PEMT: variants seen among roughly 807,000 people sequenced by gnomAD.
PEMT encodes the protein phospholipid methyltransferase.
Under a neutral mutation model 27.4 loss-of-function variants are expected in PEMT, and 23 were observed. The observed-to-expected ratio is 0.84, with a 90% CI of 0.60 to 1.19. The LOEUF (loss-of-function observed/expected upper bound fraction) is 1.19. Ranked by LOEUF, PEMT falls within the 50% of genes most tolerant of loss-of-function variation. The pLI, the probability that PEMT is intolerant of heterozygous loss-of-function variation, is 0.00. For missense variants in PEMT, 307 were observed against 310.1 expected, an observed-to-expected ratio of 0.99 and a Z score of 0.07; for synonymous variants, 137 against 139.1, an observed-to-expected ratio of 0.98 and a Z score of 0.11.
At chr17:17,565,012 G>T (rs1910734478) in intron 2 of PEMT, among the ~76,000 whole-genome samples, 1 of 152,226 alleles carries the variant, frequency 6.6e-6, no homozygotes, top group Admixed American at 6.5e-5. Flanking sequence ...CACCTGCAGA[G>T]CCCTGCGCCT....
At chr17:17,522,418 G>C in intron 2 of PEMT, 23 bp from the exon 3 acceptor site, 3 of 1,424,084 alleles carry the variant, frequency 2.1e-6, no homozygotes, top group Non-Finnish European at 3.0e-6. Flanking sequence ...CAGAGAACAA[G>C]AACGAGATAT....
intron 3 of PEMT, among the ~76,000 whole-genome samples, chr17:17,520,737 G>A (rs1907202829): frequency 6.6e-6 from 1 of 152,264 alleles, no homozygotes; most frequent in Non-Finnish European, 1.5e-5. Context: ...CCAAGACCGT[G>A]GGATAGCCAC....
intron 2 of PEMT, among the ~76,000 whole-genome samples, chr17:17,534,522 G>A (rs1200917581): frequency 6.6e-6 from 1 of 152,216 alleles, no homozygotes; most frequent in Non-Finnish European, 1.5e-5. Flanking sequence ...CCTGGCTGTA[G>A]AAACACATCA....
chr17:17,545,778 A>T (rs1253237833), intron 2 of PEMT, among the ~76,000 whole-genome samples: 1 of 152,202 alleles, frequency 6.6e-6, no homozygotes, highest in Admixed American at 6.5e-5. Context: ...GTGCAGAGGG[A>T]CAGGTCACAG....
In PEMT at chr17:17,512,671, G is replaced by T; in HGVS notation, c.321-17C>A. 1 of 1,503,686 alleles carries T rather than the reference G, an allele frequency of 6.7e-7. No individual in the cohort carries two copies. Among genetic ancestry groups the T allele is most frequent in the Non-Finnish European group, 8.9e-7 (1 of 1,118,240 alleles). The allele number at this position is 1,503,686 out of a possible 1,614,324, so 93.1% of individuals were successfully genotyped here. ...TGCGTGAAGCTGTGGGCAGGGGATG[G>T]AGAGGGAGGACGTCATGGCCAGGGA... On this transcript the variant is annotated splice_polypyrimidine_tract_variant and intron_variant, in intron 3 of 6. Transcript: ENST00000255389. The surrounding 1 kb of genome is among the most constrained non-coding windows in gnomAD (Gnocchi z 6.3).
chr17:17,589,371 C>G (rs1253074835), intron 1 of PEMT, among the ~76,000 whole-genome samples: 2 of 151,808 alleles, frequency 1.3e-5, no homozygotes, highest in East Asian at 3.9e-4. Flanking sequence ...CAGAGCAGCA[C>G]TGTTTGGTAT....
chr17:17,515,153 A>G (rs1349863156), intron 3 of PEMT, among the ~76,000 whole-genome samples: 1 of 152,080 alleles, frequency 6.6e-6, no homozygotes, highest in Non-Finnish European at 1.5e-5. Flanking sequence ...TCCTGCGGAG[A>G]CCCGAGCCAG....
chr17:17,586,258 AAG>A (rs1189111532), intron 1 of PEMT, among the ~76,000 whole-genome samples: 4 of 116,480 alleles, frequency 3.4e-5, no homozygotes, highest in Admixed American at 8.7e-5. Context: ...GAAAGAAAGA[AAG>A]AAAGAAAGAA....
chr17:17,552,656 T>G (rs961136575), intron 2 of PEMT, among the ~76,000 whole-genome samples: 1 of 152,212 alleles, frequency 6.6e-6, no homozygotes, highest in African/African-American at 2.4e-5. Context: ...GAGATGCCCC[T>G]CTCATGGAAA....
chr17:17,512,717 A>C lies in PEMT; in HGVS notation c.321-63T>G. 2 of 1,408,534 alleles carry C rather than the reference A, an allele frequency of 1.4e-6. No homozygotes were observed. The highest frequency in any genetic ancestry group is 1.9e-6 in the Non-Finnish European group (2 of 1,066,350). The allele number at this position is 1,408,534 out of a possible 1,614,324, so 87.3% of individuals were successfully genotyped here. ...AGGGAGGATGTCACAGCCCGGGAGGAGGCCGACCTCATCTTCTCGCCCTCT... is the reference window on the plus strand; with the variant it reads ...AGGGAGGATGTCACAGCCCGGGAGGCGGCCGACCTCATCTTCTCGCCCTCT... On this transcript the variant is annotated intron_variant, in intron 3 of 6. Coordinates refer to ENST00000255389, the MANE Select transcript of PEMT (RefSeq NM_148172.3). The surrounding 1 kb of genome is among the most constrained non-coding windows in gnomAD (Gnocchi z 6.3).
chr17:17,576,586 A>C (rs1324608175), intron 2 of PEMT, among the ~76,000 whole-genome samples: 1 of 152,212 alleles, frequency 6.6e-6, no homozygotes, highest in Non-Finnish European at 1.5e-5. Flanking sequence ...CACTTCATGC[A>C]TGAGAAGGCC....
chr17:17,530,160 C>A (rs910333864), intron 2 of PEMT, among the ~76,000 whole-genome samples: 44 of 152,126 alleles, frequency 2.9e-4, no homozygotes, highest in Admixed American at 1.3e-3. Flanking sequence ...TTACAAATGT[C>A]CTTTGTTGAC....
At chr17:17,562,055 C>A (rs1910518484) in intron 2 of PEMT, among the ~76,000 whole-genome samples, 1 of 152,236 alleles carries the variant, frequency 6.6e-6, no homozygotes, top group African/African-American at 2.4e-5. Flanking sequence ...GGCGTTCCGG[C>A]CCATTGGAGT....
chr17:17,552,579 G>T (rs1020609763), intron 2 of PEMT, among the ~76,000 whole-genome samples: 16 of 152,230 alleles, frequency 1.1e-4, no homozygotes, highest in Non-Finnish European at 2.2e-4. Context: ...CCCCATTCCC[G>T]GTTGGGGGGT....
rs190015006 is a variant in PEMT, at chr17:17,587,854, T to G, written c.96+3677A>C. ...TCACGCCACTGCATTCCTGAGTACA[T>G]GCCTGAGCAACAGAGCGAGACTCTG... is the stretch of plus-strand genomic sequence containing the variant. On this transcript the variant is annotated intron_variant, in intron 1 of 6. Coordinates refer to ENST00000255389, the MANE Select transcript of PEMT (RefSeq NM_148172.3). Among the ~76,000 whole-genome samples the G allele has an allele frequency of 2.6e-5, 4 of 152,248 alleles. No homozygotes were observed. The East Asian group carries it at 7.7e-4, about 29-fold the overall frequency.
chr17:17,592,030 A>G (rs948319198), upstream of PEMT: 3 of 985,348 alleles, frequency 3.0e-6, no homozygotes, highest in Admixed American at 1.2e-4. Flanking sequence ...GGTCGTAGCT[A>G]TAAGCAGCTT....
At chr17:17,508,732 T>C in intron 5 of PEMT, 1 of 463,946 alleles carries the variant, frequency 2.2e-6, no homozygotes, top group Non-Finnish European at 4.5e-6. Flanking sequence ...GGGGAGCACA[T>C]CTCCATACCT....
intron 2 of PEMT, among the ~76,000 whole-genome samples, chr17:17,555,539 T>C (rs1478973358): frequency 6.6e-6 from 1 of 152,212 alleles, no homozygotes; most frequent in Non-Finnish European, 1.5e-5. Context: ...TGTCCCTACC[T>C]GGGCAGGGGC....
At chr17:17,556,265 T>C (rs1053334946) in intron 2 of PEMT, among the ~76,000 whole-genome samples, 2 of 152,208 alleles carry the variant, frequency 1.3e-5, no homozygotes, top group Admixed American at 6.5e-5. Flanking sequence ...GGGAGTCTCA[T>C]TGCCCAAGAG....
Sources: gnomAD v4.1 joint callset for allele counts (sites outside exome capture counted in the v4.1 genomes callset) on GRCh38, gnomAD v4.1.1 for gene constraint, Gnocchi (gnomAD v3.1) non-coding constraint, MANE v1.5 for transcripts, NCBI Gene and HGNC (gene_info 2026-07-23, HGNC 2026-07-21) for gene names.